Variants in NUAK1 observed in about 807,000 individuals in gnomAD.
The protein encoded by NUAK1 is NUAK family kinase 1, also known as NUAK family SNF1-like kinase 1.
In NUAK1, 26 loss-of-function variants were observed where a neutral mutation model predicts 56.9. The observed-to-expected ratio is 0.46, with a 90% CI of 0.33 to 0.63. The LOEUF (loss-of-function observed/expected upper bound fraction) is 0.63. Among genes scored for constraint, NUAK1 ranks in the 30% least tolerant of loss-of-function variants. The probability of loss-of-function intolerance (pLI) is 0.02; values close to 1 mark genes in which losing one functional copy is unlikely to be tolerated. For synonymous variants in NUAK1, 337 were observed against 336.0 expected (o/e 1.00, Z -0.03); for missense variants, 727 against 876.1 (o/e 0.83, Z 2.15).
chr12:106,119,320 C>T (rs1384311419), intron 1 of NUAK1, among the ~76,000 whole-genome samples: 7 of 151,978 alleles, frequency 4.6e-5, no homozygotes, highest in East Asian at 1.9e-4. Context: ...TGAGTGACCC[C>T]GACCAGCCCT....
Position 106,067,567 on chromosome 12 carries a change from G to A in NUAK1, c.1221C>T (p.Ser407=), listed in dbSNP as rs368677538. 29 of 1,614,100 alleles carry A rather than the reference G, an allele frequency of 1.8e-5. No individual in the cohort carries two copies. Among genetic ancestry groups the A allele is most frequent in the East Asian group, 2.2e-5 (1 of 44,892 alleles). ...AGCCAGTGCTGTGAGAGCGATGCTC[G>A]CTGTTGCTTCGCTTCTTCAGGATCC... ...PKGILKKRSN[S]EHRSHSTGFI... is the part of the protein sequence containing the mutation. The change falls in exon 7 of 7, where the codon AGC becomes AGT. Residue 407 remains serine (S), a synonymous_variant. Transcript: ENST00000261402. This position sits in a 1 kb window ranked among gnomAD's most constrained non-coding sequence, Gnocchi z 6.0.
At chr12:106,130,656 G>T (rs2033068966) in intron 1 of NUAK1, among the ~76,000 whole-genome samples, 2 of 152,254 alleles carry the variant, frequency 1.3e-5, no homozygotes, top group African/African-American at 4.8e-5. Context: ...CGATGGGCAG[G>T]TGAATGGGCC....
intron 5 of NUAK1, among the ~76,000 whole-genome samples, chr12:106,071,841 T>G (rs2032409316): frequency 6.6e-6 from 1 of 152,190 alleles, no homozygotes; most frequent in Admixed American, 6.5e-5. Flanking sequence ...TAGATGGTCT[T>G]GGCATCCTTC....
chr12:106,085,474 T>C (rs11112857), intron 3 of NUAK1, among the ~76,000 whole-genome samples: 21,908 of 152,170 alleles, frequency 0.14, 1,746 homozygotes, highest in Non-Finnish European at 0.17. Context: ...GTTGAGATCA[T>C]TTATATGAAG....
intron 1 of NUAK1, among the ~76,000 whole-genome samples, chr12:106,135,031 G>T (rs1458961204): frequency 6.6e-6 from 1 of 152,142 alleles, no homozygotes; most frequent in African/African-American, 2.4e-5. Flanking sequence ...CTGCTAAAAG[G>T]AGGAACTAAA....
intron 1 of NUAK1, among the ~76,000 whole-genome samples, chr12:106,120,855 C>T (rs1035093313): frequency 3.3e-5 from 5 of 152,148 alleles, no homozygotes; most frequent in African/African-American, 1.2e-4. Context: ...TAAGCAAGGT[C>T]CCATCTTGAC....
chr12:106,120,007 T>C (rs1233511658), intron 1 of NUAK1, among the ~76,000 whole-genome samples: 1 of 152,106 alleles, frequency 6.6e-6, no homozygotes, highest in Non-Finnish European at 1.5e-5. Context: ...GAGCTCTCTA[T>C]TATAACTTAT....
intron 1 of NUAK1, among the ~76,000 whole-genome samples, chr12:106,130,068 G>C (rs986390799): frequency 1.3e-5 from 2 of 151,746 alleles, no homozygotes; most frequent in Non-Finnish European, 2.9e-5. Context: ...TGCAACCTCC[G>C]CCTCACAGGT....
intron 2 of NUAK1, among the ~76,000 whole-genome samples, chr12:106,101,926 T>C (rs1049882872): frequency 1.3e-5 from 2 of 152,272 alleles, no homozygotes; most frequent in African/African-American, 4.8e-5. Flanking sequence ...CATGGGATCC[T>C]GGGACTGTGG....
chr12:106,072,824 G>T lies in NUAK1; in HGVS notation c.599C>A (p.Ser200Tyr). The change falls in exon 5 of 7, where the codon TCC becomes TAC. Residue 200 changes from serine (S) to tyrosine (Y), a missense_variant. By Grantham distance (144) the Ser-to-Tyr change is moderately radical. Coordinates refer to ENST00000261402, the MANE Select transcript of NUAK1 (RefSeq NM_014840.3). The part of the protein sequence containing the change: ...CNIKIADFGL[S>Y]NLYQKDKFLQ... ...GAACTTATCCTTCTGGTACAGGTTG[G>T]AAAGCCCAAAGTCAGCAATCTACAA... 1 of 1,614,060 alleles carries T rather than the reference G, an allele frequency of 6.2e-7. No homozygotes were observed. The highest frequency in any genetic ancestry group is 1.1e-5 in the South Asian group (1 of 91,074).
intron 2 of NUAK1, among the ~76,000 whole-genome samples, chr12:106,092,086 C>G (rs1314628921): frequency 6.6e-6 from 1 of 152,038 alleles, no homozygotes; most frequent in Admixed American, 6.6e-5. Flanking sequence ...CATCAAGAAA[C>G]AATATTGCCA....
intron 2 of NUAK1, among the ~76,000 whole-genome samples, chr12:106,088,783 C>G (rs1172918994): frequency 1.3e-5 from 2 of 152,190 alleles, no homozygotes; most frequent in Non-Finnish European, 2.9e-5. Flanking sequence ...CCAAGGCAGA[C>G]ACACATTCAA....
At chr12:106,070,720 G>T in intron 6 of NUAK1, 54 bp downstream of exon 6, 1 of 1,605,114 alleles carries the variant, frequency 6.2e-7, no homozygotes, top group Non-Finnish European at 8.5e-7. Flanking sequence ...TAAGAGTTGG[G>T]TAAGCAGATC....
chr12:106,105,310 G>A (rs1194137802), intron 2 of NUAK1, among the ~76,000 whole-genome samples: 1 of 152,120 alleles, frequency 6.6e-6, no homozygotes, highest in Non-Finnish European at 1.5e-5. Context: ...CTCTGACTCA[G>A]TAAAACCAAA....
intron 1 of NUAK1, among the ~76,000 whole-genome samples, chr12:106,127,545 G>A (rs1188264906): frequency 2.0e-5 from 3 of 152,152 alleles, no homozygotes; most frequent in African/African-American, 7.2e-5. Flanking sequence ...GCTGCCTTGA[G>A]CTGAATAGAA....
chr12:106,118,680 C>T (rs1202677373), intron 1 of NUAK1, among the ~76,000 whole-genome samples: 1 of 152,216 alleles, frequency 6.6e-6, no homozygotes, highest in South Asian at 2.1e-4. Flanking sequence ...CGGAACCCCG[C>T]CAAGCTGCTT....
intron 2 of NUAK1, among the ~76,000 whole-genome samples, chr12:106,099,935 C>A (rs1266094532): frequency 6.6e-6 from 1 of 151,452 alleles, no homozygotes; most frequent in Non-Finnish European, 1.5e-5. Flanking sequence ...GGACCACAGG[C>A]ATGCACCATC....
At chr12:106,116,146 T>C (rs978965538) in intron 1 of NUAK1, among the ~76,000 whole-genome samples, 1 of 152,254 alleles carries the variant, frequency 6.6e-6, no homozygotes, top group Non-Finnish European at 1.5e-5. Context: ...ATGTGCCTAA[T>C]GTACAGTATA....
At chr12:106,076,552 A>T (rs1014022648) in intron 4 of NUAK1, among the ~76,000 whole-genome samples, 4 of 152,144 alleles carry the variant, frequency 2.6e-5, no homozygotes, top group Non-Finnish European at 5.9e-5. Flanking sequence ...TCTCGAAAGG[A>T]GCCCCGGAAC....
Sources: gnomAD v4.1 joint callset for allele counts (sites outside exome capture counted in the v4.1 genomes callset) on GRCh38, gnomAD v4.1.1 for gene constraint, Gnocchi (gnomAD v3.1) non-coding constraint, MANE v1.5 for transcripts, NCBI Gene and HGNC (gene_info 2026-07-23, HGNC 2026-07-21) for gene names.